DPP10: variants seen among roughly 807,000 people sequenced by gnomAD.
DPP10 encodes inactive dipeptidyl peptidase 10.
DPP10 carries 33 observed loss-of-function variants against 120.9 expected under a neutral mutation model. That is an observed-to-expected ratio of 0.27 (90% CI 0.21 to 0.37). The LOEUF (loss-of-function observed/expected upper bound fraction) is 0.37, where lower values mean the gene tolerates loss of function less well. DPP10 is among the 10% of genes least tolerant of loss of function. The pLI, the probability that DPP10 is intolerant of heterozygous loss-of-function variation, is 1.00. For synonymous variants in DPP10, 337 were observed against 326.1 expected (o/e 1.03, Z -0.36); for missense variants, 816 against 942.8 (o/e 0.87, Z 1.76).
At chr2:115,316,764 C>T (rs2061814013) in intron 2 of DPP10, among the ~76,000 whole-genome samples, 1 of 152,078 alleles carries the variant, frequency 6.6e-6, no homozygotes, top group South Asian at 2.1e-4. Flanking sequence ...ATTCTGGCCT[C>T]TAATGTATGA....
At chr2:114,578,454 CA>C (rs1474051397) in intron 1 of DPP10, among the ~76,000 whole-genome samples, 1 of 152,064 alleles carries the variant, frequency 6.6e-6, no homozygotes, top group Non-Finnish European at 1.5e-5. Flanking sequence ...AGATTAATAT[CA>C]TCTATGTCTA....
intron 1 of DPP10, among the ~76,000 whole-genome samples, chr2:114,664,101 G>A (rs962408911): frequency 1.3e-5 from 2 of 151,986 alleles, no homozygotes; most frequent in African/African-American, 4.8e-5. Flanking sequence ...TCTCATTGTG[G>A]TTGGCCAATC....
chr2:115,358,301 G>A (rs950241602), intron 3 of DPP10, among the ~76,000 whole-genome samples: 1 of 152,158 alleles, frequency 6.6e-6, no homozygotes, highest in Non-Finnish European at 1.5e-5. Flanking sequence ...AGTTTCACAT[G>A]TCTCTAGGGC....
chr2:115,477,682 A>G (rs1437055576), intron 3 of DPP10, among the ~76,000 whole-genome samples: 2 of 152,160 alleles, frequency 1.3e-5, no homozygotes, highest in African/African-American at 2.4e-5. Context: ...AAGGTATCCA[A>G]CTAATCAGTA....
At chr2:115,204,972 T>G (rs975148387) in intron 1 of DPP10, among the ~76,000 whole-genome samples, 1 of 152,180 alleles carries the variant, frequency 6.6e-6, no homozygotes, top group Admixed American at 6.5e-5. Context: ...TTTAAGTATC[T>G]TATACATTCC....
At position 115,782,681 on chromosome 2, in the gene DPP10, G is replaced by A. The variant is rs374460013; in HGVS notation, c.1531+282G>A. ...TTATTGATGAAACAGGTACATTTTA[G>A]CTTACTGGCCTCTTAATGTTCTGGT... On this transcript the variant is annotated intron_variant, in intron 17 of 25. Transcript: ENST00000410059. Among the ~76,000 whole-genome samples the A allele has an allele frequency of 5.3e-5, 8 of 152,120 alleles. No individual in the cohort carries two copies. The East Asian group carries it at 1.2e-3, about 22-fold the overall frequency.
At chr2:115,631,985 T>G (rs969464744) in intron 5 of DPP10, among the ~76,000 whole-genome samples, 6 of 152,200 alleles carry the variant, frequency 3.9e-5, no homozygotes, top group African/African-American at 1.4e-4. Context: ...TCAATTGTGA[T>G]GATCTGTCTT....
chr2:114,786,273 T>C (rs1477735972), intron 1 of DPP10, among the ~76,000 whole-genome samples: 1 of 152,192 alleles, frequency 6.6e-6, no homozygotes, highest in Non-Finnish European at 1.5e-5. Flanking sequence ...CCTTTAACTA[T>C]TTACCTTAAT....
chr2:115,043,660 G>C (rs1277171313), intron 1 of DPP10, among the ~76,000 whole-genome samples: 1 of 152,040 alleles, frequency 6.6e-6, no homozygotes, highest in Non-Finnish European at 1.5e-5. Context: ...GGTTACATCA[G>C]TACTCACTAG....
At chr2:114,885,888 A>T (rs907241456) in intron 1 of DPP10, among the ~76,000 whole-genome samples, 1 of 152,222 alleles carries the variant, frequency 6.6e-6, no homozygotes, top group Non-Finnish European at 1.5e-5. Flanking sequence ...CTTAAGCATC[A>T]CATTTCTAAT....
chr2:115,154,579 G>A (rs2104918932), intron 1 of DPP10, among the ~76,000 whole-genome samples: 1 of 152,260 alleles, frequency 6.6e-6, no homozygotes, highest in East Asian at 1.9e-4. Context: ...ATTTTCCCTG[G>A]ATGATCCTAT....
chr2:115,275,947 C>T (rs748789534), intron 1 of DPP10, among the ~76,000 whole-genome samples: 17 of 151,886 alleles, frequency 1.1e-4, no homozygotes, highest in Non-Finnish European at 2.4e-4. Context: ...GTGATCCGCC[C>T]GCCTCGGCCT....
chr2:115,118,890 C>G (rs552771283), intron 1 of DPP10, among the ~76,000 whole-genome samples: 15 of 152,136 alleles, frequency 9.9e-5, no homozygotes, highest in African/African-American at 3.6e-4. Flanking sequence ...GCTGGAGTTA[C>G]AGGTGTGAGC....
intron 1 of DPP10, among the ~76,000 whole-genome samples, chr2:114,563,958 G>A (rs888137143): frequency 6.6e-6 from 1 of 152,138 alleles, no homozygotes; most frequent in East Asian, 1.9e-4. Context: ...TAATTTCTGG[G>A]ATGGAGCTCG....
intron 4 of DPP10, among the ~76,000 whole-genome samples, chr2:115,515,356 T>C (rs1433472356): frequency 6.6e-6 from 1 of 152,094 alleles, no homozygotes; most frequent in East Asian, 1.9e-4. Context: ...ACTCTTCCTG[T>C]TGTTGGGTAT....
chr2:115,793,589 A>G (rs1350619474), intron 19 of DPP10, among the ~76,000 whole-genome samples: 1 of 152,046 alleles, frequency 6.6e-6, no homozygotes, highest in Non-Finnish European at 1.5e-5. Flanking sequence ...GTGTAATTTA[A>G]TGCCCATAAA....
intron 3 of DPP10, among the ~76,000 whole-genome samples, chr2:115,411,323 C>T (rs1412245198): frequency 2.0e-5 from 3 of 151,814 alleles, no homozygotes; most frequent in Non-Finnish European, 4.4e-5. Flanking sequence ...CAGAGTGAGA[C>T]TCCGTCTCAA....
chr2:115,212,292 G>A (rs547988364), intron 1 of DPP10, among the ~76,000 whole-genome samples: 20 of 152,118 alleles, frequency 1.3e-4, no homozygotes, highest in Non-Finnish European at 2.4e-4. Context: ...TTTATATTAA[G>A]CAAAGATTAT....
At chr2:114,452,152 T>C (rs4849333) in intron 1 of DPP10, among the ~76,000 whole-genome samples, 33,994 of 152,130 alleles carry the variant, frequency 0.22, 4,047 homozygotes, top group Middle Eastern at 0.37. Context: ...TTCTCTTGCA[T>C]ATTTATTGCT....
Sources: gnomAD v4.1 joint callset for allele counts (sites outside exome capture counted in the v4.1 genomes callset) on GRCh38, gnomAD v4.1.1 for gene constraint, MANE v1.5 for transcripts, NCBI Gene and HGNC (gene_info 2026-07-23, HGNC 2026-07-21) for gene names.